The following NIPAL2 variants were observed in gnomAD, a reference collection of about 807,000 sequenced individuals.
NIPAL2 encodes the protein NIPA like domain containing 2, also known as NIPA-like protein 2.
A neutral mutation model predicts 48.9 loss-of-function variants in NIPAL2; 43 were observed. That is an observed-to-expected ratio of 0.88 (90% CI 0.69 to 1.13). NIPAL2 has a LOEUF of 1.13. Ranked by LOEUF, NIPAL2 falls within the 50% of genes most tolerant of loss-of-function variation. The probability of loss-of-function intolerance (pLI) is 0.00; values close to 1 mark genes in which losing one functional copy is unlikely to be tolerated. For missense variants in NIPAL2, 446 were observed against 461.4 expected (o/e 0.97, Z 0.31); for synonymous variants, 167 against 174.6 (o/e 0.96, Z 0.34).
intron 9 of NIPAL2, 54 bp downstream of exon 9, chr8:98,195,888 C>T: frequency 7.7e-7 from 1 of 1,298,110 alleles, no homozygotes; most frequent in Non-Finnish European, 1.1e-6. Context: ...TGCCGAAAAT[C>T]CTACGTAAAA....
chr8:98,220,839 T>G (rs1476463035), intron 5 of NIPAL2, among the ~76,000 whole-genome samples: 1 of 152,174 alleles, frequency 6.6e-6, no homozygotes, highest in Admixed American at 6.5e-5. Context: ...CTATACTAAC[T>G]TCTGTGACAA....
At position 98,231,369 on chromosome 8, in the gene NIPAL2, C is replaced by A. The variant is rs192129735; in HGVS notation, c.436+4786G>T. ...GCTAGTTTAGTATTCTAGACATTGG[C>A]TCCAAATCAAGCTGACTTCTGGTGT... On this transcript the variant is annotated intron_variant, in intron 4 of 10. Transcript: ENST00000430223. Among the ~76,000 whole-genome samples the A allele has an allele frequency of 2.6e-5, 4 of 152,234 alleles. No homozygotes were observed. In the East Asian group the frequency reaches 7.7e-4, roughly 29 times the overall value.
intron 1 of NIPAL2, among the ~76,000 whole-genome samples, chr8:98,290,670 A>G (rs577708085): frequency 6.6e-6 from 1 of 152,372 alleles, no homozygotes; most frequent in African/African-American, 2.4e-5. Flanking sequence ...TTGCAAATTA[A>G]ATGCCTATGT....
chr8:98,205,268 A>G (rs756917565), intron 6 of NIPAL2, 22 bp from the exon 7 acceptor site: 2 of 1,592,548 alleles, frequency 1.3e-6, no homozygotes, highest in South Asian at 2.3e-5. Context: ...AACAAAAAAC[A>G]CAAATAAAGA....
chr8:98,256,494 G>A (rs1451573004), intron 1 of NIPAL2, among the ~76,000 whole-genome samples: 1 of 152,168 alleles, frequency 6.6e-6, no homozygotes, highest in Non-Finnish European at 1.5e-5. Flanking sequence ...CAAAGGACTT[G>A]AATAGCTGTT....
intron 1 of NIPAL2, among the ~76,000 whole-genome samples, chr8:98,280,127 G>A (rs528414866): frequency 1.1e-4 from 16 of 152,210 alleles, no homozygotes; most frequent in African/African-American, 1.9e-4. Flanking sequence ...TGATTTGGCC[G>A]TATGGAGACA....
intron 3 of NIPAL2, among the ~76,000 whole-genome samples, chr8:98,249,074 G>C (rs1813435987): frequency 6.6e-6 from 1 of 152,126 alleles, no homozygotes; most frequent in Non-Finnish European, 1.5e-5. Context: ...ACAATCAAGG[G>C]AATCTCAGAT....
At position 98,234,039 on chromosome 8, in the gene NIPAL2, G is replaced by A. The variant is rs114157478; in HGVS notation, c.436+2116C>T. Among the ~76,000 whole-genome samples, 637 of 152,218 alleles carry A rather than the reference G, an allele frequency of 4.2e-3. 2 individuals are homozygous for A. Among genetic ancestry groups the A allele is most frequent in the African/African-American group, 0.015 (606 of 41,524 alleles). On this transcript the variant is annotated intron_variant, in intron 4 of 10. Coordinates refer to ENST00000430223, the MANE Select transcript of NIPAL2 (RefSeq NM_001321635.2). ...ATTTTGTCCCCTAGGAGACATTTTG[G>A]AATGTTTGGAGACATTTTTGGTTGT...
chr8:98,259,732 A>G (rs1017774725), intron 1 of NIPAL2, among the ~76,000 whole-genome samples: 6 of 152,206 alleles, frequency 3.9e-5, no homozygotes, highest in African/African-American at 1.4e-4. Flanking sequence ...CTGGGTGATG[A>G]CAGATGGGGA....
intron 4 of NIPAL2, among the ~76,000 whole-genome samples, chr8:98,225,794 A>G (rs1812146099): frequency 6.6e-6 from 1 of 152,116 alleles, no homozygotes; most frequent in South Asian, 2.1e-4. Flanking sequence ...CTCTTTGTAT[A>G]AACTTTCTAA....
At chr8:98,229,111 GC>G (rs1194151174) in intron 4 of NIPAL2, among the ~76,000 whole-genome samples, 1 of 152,170 alleles carries the variant, frequency 6.6e-6, no homozygotes, top group Non-Finnish European at 1.5e-5. Flanking sequence ...TACCCACAAT[GC>G]AGGCATGGGA....
intron 1 of NIPAL2, 52 bp downstream of exon 1, chr8:98,293,951 C>T: frequency 7.4e-7 from 1 of 1,360,074 alleles, no homozygotes; most frequent in East Asian, 3.1e-5. Context: ...CCGGAGCCAG[C>T]CGCCCTGGCC....
At chr8:98,193,157 C>A in intron 10 of NIPAL2, 67 bp from the exon 11 acceptor site, 2 of 1,327,740 alleles carry the variant, frequency 1.5e-6, no homozygotes, top group South Asian at 1.2e-5. Context: ...AATAATTTCT[C>A]CTCAATCTAG....
At chr8:98,254,478 G>A (rs1325537848) in intron 1 of NIPAL2, among the ~76,000 whole-genome samples, 2 of 152,152 alleles carry the variant, frequency 1.3e-5, no homozygotes, top group Non-Finnish European at 2.9e-5. Context: ...ACAAGGTAAA[G>A]GATAAATCTG....
At chr8:98,255,662 T>C (rs1813849171) in intron 1 of NIPAL2, among the ~76,000 whole-genome samples, 1 of 152,242 alleles carries the variant, frequency 6.6e-6, no homozygotes, top group African/African-American at 2.4e-5. Flanking sequence ...AGGCACTTGG[T>C]AATAATTTTG....
chr8:98,264,686 G>A (rs913748344), intron 1 of NIPAL2, among the ~76,000 whole-genome samples: 6 of 150,718 alleles, frequency 4.0e-5, no homozygotes, highest in South Asian at 2.1e-4. Flanking sequence ...AATCAATATC[G>A]TGAAAATGGC....
chr8:98,235,164 A>G (rs1437280988), intron 4 of NIPAL2, among the ~76,000 whole-genome samples: 1 of 152,228 alleles, frequency 6.6e-6, no homozygotes, highest in Non-Finnish European at 1.5e-5. Context: ...ATTTAAAAAA[A>G]ATATGATCTC....
At chr8:98,273,453 A>C (rs1815257125) in intron 1 of NIPAL2, among the ~76,000 whole-genome samples, 1 of 152,118 alleles carries the variant, frequency 6.6e-6, no homozygotes, top group African/African-American at 2.4e-5. Flanking sequence ...TGATAGTTGC[A>C]TAACTTTGTG....
intron 1 of NIPAL2, among the ~76,000 whole-genome samples, chr8:98,281,322 G>T (rs1033325722): frequency 2.0e-5 from 3 of 152,058 alleles, no homozygotes; most frequent in Non-Finnish European, 4.4e-5. Flanking sequence ...AGGAGTAGAA[G>T]GATGTTACCA....
Sources: gnomAD v4.1 joint callset for allele counts (sites outside exome capture counted in the v4.1 genomes callset) on GRCh38, gnomAD v4.1.1 for gene constraint, MANE v1.5 for transcripts, NCBI Gene and HGNC (gene_info 2026-07-23, HGNC 2026-07-21) for gene names.